DCDC2C: variants seen among roughly 807,000 people sequenced by gnomAD.
DCDC2C encodes the protein doublecortin domain containing 2C, also known as doublecortin domain-containing protein 2C.
In DCDC2C, 44 loss-of-function variants were observed where a neutral mutation model predicts 45.0. That is an observed-to-expected ratio of 0.98 (90% CI 0.77 to 1.26). DCDC2C has a LOEUF of 1.26. Ranked by LOEUF, DCDC2C falls within the 50% of genes most tolerant of loss-of-function variation. The pLI is 0.00. For synonymous variants in DCDC2C, 187 were observed against 178.8 expected (o/e 1.05, Z -0.37); for missense variants, 447 against 468.9 (o/e 0.95, Z 0.43).
intron 3 of DCDC2C, among the ~76,000 whole-genome samples, chr2:3,738,102 A>G (rs538241752): frequency 3.3e-5 from 5 of 152,364 alleles, no homozygotes; most frequent in Admixed American, 1.3e-4. Context: ...CAGCCTGTCA[A>G]TACTGCTAAT....
At chr2:3,725,700 G>GGGAGATGAGCAGGGAGTGAGGAGGCT (rs1668646346) in intron 2 of DCDC2C, among the ~76,000 whole-genome samples, 1 of 151,168 alleles carries the variant, frequency 6.6e-6, no homozygotes. Flanking sequence ...GGATCCCAGA[G>GGGAGATGAGCAGGGAGTGAGGAGGCT]GGAGATGAGC....
chr2:3,773,284 T>A (rs893093542), intron 8 of DCDC2C, among the ~76,000 whole-genome samples: 2 of 152,142 alleles, frequency 1.3e-5, no homozygotes, highest in Non-Finnish European at 2.9e-5. Flanking sequence ...CCCTCCTTTC[T>A]TGAGTTTTTA....
chr2:3,778,210 T>C (rs867096261), intron 8 of DCDC2C, among the ~76,000 whole-genome samples: 29 of 152,380 alleles, frequency 1.9e-4, no homozygotes, highest in Admixed American at 1.2e-3. Flanking sequence ...CTGCCATGCA[T>C]GTGCAGCACG....
intron 6 of DCDC2C, among the ~76,000 whole-genome samples, chr2:3,760,865 C>A (rs371463558): frequency 8.6e-5 from 13 of 151,952 alleles, no homozygotes; most frequent in African/African-American, 2.7e-4. Flanking sequence ...GCCCATTTCC[C>A]AAGGAAATGG....
intron 1 of DCDC2C, among the ~76,000 whole-genome samples, chr2:3,707,929 A>G (rs1668110234): frequency 6.6e-6 from 1 of 152,250 alleles, no homozygotes; most frequent in South Asian, 2.1e-4. Context: ...AAGAAACCTT[A>G]GTATCAGATA....
intron 10 of DCDC2C, among the ~76,000 whole-genome samples, chr2:3,826,061 A>C (rs1462672390): frequency 1.3e-5 from 2 of 152,198 alleles, no homozygotes; most frequent in Non-Finnish European, 2.9e-5. Flanking sequence ...ACAAAGAAAA[A>C]AGATATGTCA....
At chr2:3,730,440 C>T (rs1047055278) in intron 3 of DCDC2C, among the ~76,000 whole-genome samples, 2 of 152,162 alleles carry the variant, frequency 1.3e-5, no homozygotes, top group African/African-American at 4.8e-5. Flanking sequence ...ACAGTTACTA[C>T]TGTTACTGCT....
chr2:3,733,616 G>T (rs1167827549), intron 3 of DCDC2C, among the ~76,000 whole-genome samples: 1 of 152,214 alleles, frequency 6.6e-6, no homozygotes, highest in African/African-American at 2.4e-5. Flanking sequence ...TGTCTGGCGA[G>T]GGGTGTTCCC....
chr2:3,731,335 C>T (rs1011791844), intron 3 of DCDC2C, among the ~76,000 whole-genome samples: 4 of 152,164 alleles, frequency 2.6e-5, no homozygotes, highest in East Asian at 1.9e-4. Flanking sequence ...GTCTCCTTTG[C>T]GAAGTTTGTC....
In DCDC2C at chr2:3,824,709, C is replaced by A. The variant is rs1489651089; in HGVS notation, c.1066-22445C>A. The stretch of plus-strand genomic sequence containing the variant: ...GCTCTAGGTTTCTCTTCCCCCCGAC[C>A]CCAGAGCAGTCTTGCTCCGTGCTCT... On this transcript the variant is annotated intron_variant, in intron 10 of 10. Coordinates refer to ENST00000399143, the MANE Select transcript of DCDC2C (RefSeq NM_001287444.2). Among the ~76,000 whole-genome samples, 7 of 152,250 alleles carry A rather than the reference C, an allele frequency of 4.6e-5. No homozygotes were observed. In the East Asian group the frequency reaches 1.3e-3, roughly 29 times the overall value.
chr2:3,726,676 C>G (rs917221422), intron 2 of DCDC2C, among the ~76,000 whole-genome samples: 12 of 152,314 alleles, frequency 7.9e-5, no homozygotes, highest in African/African-American at 2.9e-4. Context: ...TCTTGGGGAC[C>G]ATGGGGAGCC....
rs1672370222 is a variant in DCDC2C, at chr2:3,847,813, C to T, written c.*630C>T. 6.6e-6 allele frequency among the ~76,000 whole-genome samples: 1 copy of T among 152,028 alleles called. No homozygotes were observed. Among genetic ancestry groups the T allele is most frequent in the Non-Finnish European group, 1.5e-5 (1 of 67,990 alleles). ...GTTCTCGTGATAGTGAGTGAGTGCTCCCGAGATCCAGTTGTTTAAAAGTGT... is the reference window on the plus strand; with the variant it reads ...GTTCTCGTGATAGTGAGTGAGTGCTTCCGAGATCCAGTTGTTTAAAAGTGT... On this transcript the variant is annotated 3_prime_UTR_variant, in exon 11 of 11. Transcript: ENST00000399143.
intron 4 of DCDC2C, among the ~76,000 whole-genome samples, chr2:3,745,354 G>T (rs1322359246): frequency 6.6e-6 from 1 of 152,178 alleles, no homozygotes; most frequent in Non-Finnish European, 1.5e-5. Flanking sequence ...TTCTTTTATG[G>T]TAGAAGTAAG....
chr2:3,708,470 G>T (rs1259604980), intron 1 of DCDC2C, 79 bp from the exon 2 acceptor site: 1 of 1,132,548 alleles, frequency 8.8e-7, no homozygotes, highest in Non-Finnish European at 1.2e-6. Context: ...GCCGGAAAAG[G>T]ACTCGTTTCT....
chr2:3,780,153 G>T (rs1429140212), intron 9 of DCDC2C, among the ~76,000 whole-genome samples: 1 of 152,194 alleles, frequency 6.6e-6, no homozygotes, highest in Non-Finnish European at 1.5e-5. Context: ...TCCGTCGAGG[G>T]TAAGAGTGTG....
chr2:3,730,610 T>A (rs891170184), intron 3 of DCDC2C, among the ~76,000 whole-genome samples: 2 of 152,122 alleles, frequency 1.3e-5, no homozygotes, highest in Admixed American at 1.3e-4. Context: ...CCCTTCCTAT[T>A]TATTGGGTAG....
At chr2:3,716,041 A>G (rs1031575705) in intron 2 of DCDC2C, among the ~76,000 whole-genome samples, 1 of 152,162 alleles carries the variant, frequency 6.6e-6, no homozygotes, top group African/African-American at 2.4e-5. Flanking sequence ...TGCAAAGGAC[A>G]CTGGCCTGTT....
intron 5 of DCDC2C, among the ~76,000 whole-genome samples, chr2:3,753,269 A>G (rs181983867): frequency 1.4e-4 from 21 of 152,324 alleles, no homozygotes; most frequent in Admixed American, 5.2e-4. Context: ...ATGCTTCCCC[A>G]TATCTAAAAT....
chr2:3,806,955 C>T (rs1448081214), intron 10 of DCDC2C, among the ~76,000 whole-genome samples: 1 of 152,112 alleles, frequency 6.6e-6, no homozygotes, highest in African/African-American at 2.4e-5. Context: ...TTGGTGAATT[C>T]CTGGACTGCG....
Sources: gnomAD v4.1 joint callset for allele counts (sites outside exome capture counted in the v4.1 genomes callset) on GRCh38, gnomAD v4.1.1 for gene constraint, MANE v1.5 for transcripts, NCBI Gene and HGNC (gene_info 2026-07-23, HGNC 2026-07-21) for gene names.